Variants in AMACR observed in about 807,000 individuals in gnomAD.
AMACR encodes the protein 2-methylacyl-CoA racemase.
Under a neutral mutation model 22.2 loss-of-function variants are expected in AMACR, and 18 were observed. The ratio of observed to expected loss-of-function variants is 0.81; its 90% confidence interval spans 0.56 to 1.20. The LOEUF is 1.20. AMACR is among the 50% of genes most tolerant of loss of function. The probability of loss-of-function intolerance (pLI) is 0.00; values close to 1 mark genes in which losing one functional copy is unlikely to be tolerated. For synonymous variants in AMACR, 213 were observed against 191.3 expected, an observed-to-expected ratio of 1.11 and a Z score of -0.94; for missense variants, 499 against 490.6, an observed-to-expected ratio of 1.02 and a Z score of -0.16.
At chr5:34,002,472 T>C (rs1753846839) in intron 3 of AMACR, among the ~76,000 whole-genome samples, 1 of 152,182 alleles carries the variant, frequency 6.6e-6, no homozygotes, top group African/African-American at 2.4e-5. Context: ...CAAGACTCCA[T>C]GTTTGCTCTT....
chr5:34,003,822 C>G (rs185291268), intron 3 of AMACR, among the ~76,000 whole-genome samples: 312 of 152,342 alleles, frequency 2.0e-3, no homozygotes, highest in Non-Finnish European at 3.8e-3. Context: ...TACCTCCAGT[C>G]TTGTCTCCTC....
chr5:33,987,513 T>G lies in AMACR; in HGVS notation c.*1580A>C, dbSNP rs1351954012. The G allele has an allele frequency of 6.6e-6, 1 of 152,254 alleles. No individual in the cohort carries two copies. Among genetic ancestry groups the G allele is most frequent in the African/African-American group, 2.4e-5 (1 of 41,466 alleles). 9.4% of individuals were successfully genotyped at this position (152,254 alleles called of 1,614,324 possible). ...CACACAAACACAATGAAACTCAACATCTGTCAGACATCACGTGAACTACTA... is the reference window on the plus strand; with the variant it reads ...CACACAAACACAATGAAACTCAACAGCTGTCAGACATCACGTGAACTACTA... On this transcript the variant is annotated 3_prime_UTR_variant, in exon 5 of 5. Transcript: ENST00000335606.
At position 33,989,325 on chromosome 5, in the gene AMACR, T is replaced by C. The variant is rs1753401944; in HGVS notation, c.917A>G (p.His306Arg). Residue 306 changes from histidine (H) to arginine (R), a missense_variant, in exon 5 of 5, where the codon CAT becomes CGT. Transcript: ENST00000335606. ...CGAGCCCCGTTCCTTGTTGTGATCATGATGAACAACCTCCTCAAAAGTCAG... is the reference window on the plus strand; with the variant it reads ...CGAGCCCCGTTCCTTGTTGTGATCACGATGAACAACCTCCTCAAAAGTCAG... ...PVLTFEEVVH[H>R]DHNKERGSFI... is the part of the protein sequence containing the mutation. 1.2e-6 allele frequency: 2 copies of C among 1,614,070 alleles called. No homozygotes were observed. The highest frequency in any genetic ancestry group is 1.7e-6 in the Non-Finnish European group (2 of 1,180,046).
chr5:34,006,646 G>C (rs1753987658), intron 1 of AMACR, among the ~76,000 whole-genome samples: 2 of 152,160 alleles, frequency 1.3e-5, no homozygotes, highest in African/African-American at 4.8e-5. Flanking sequence ...CTAATTACAA[G>C]ACCTTGGACA....
chr5:33,998,566 A>G (rs1423631983), intron 4 of AMACR, 75 bp downstream of exon 4: 1 of 1,479,204 alleles, frequency 6.8e-7, no homozygotes, highest in East Asian at 2.3e-5. Context: ...CCTAGATGCC[A>G]AAAGTCTTTA....
chr5:34,003,951 G>A (rs913989404), intron 3 of AMACR, among the ~76,000 whole-genome samples: 1 of 152,156 alleles, frequency 6.6e-6, no homozygotes, highest in African/African-American at 2.4e-5. Context: ...CAATGCTTCC[G>A]TTCCCTCCTC....
At chr5:34,004,780 CTT>C in intron 2 of AMACR, 46 bp from the exon 3 acceptor site, 1 of 1,584,532 alleles carries the variant, frequency 6.3e-7, no homozygotes, top group South Asian at 1.1e-5. Flanking sequence ...AATTTAATCT[CTT>C]CTTAAAATAA....
In AMACR at chr5:33,988,588, T is replaced by C; in HGVS notation, c.*505A>G. 7.5e-7 allele frequency: 1 copy of C among 1,336,228 alleles called. No individual in the cohort carries two copies. Among genetic ancestry groups the C allele is most frequent in the Non-Finnish European group, 9.6e-7 (1 of 1,045,228 alleles). 82.8% of individuals were successfully genotyped at this position (1,336,228 alleles called of 1,614,324 possible). On this transcript the variant is annotated 3_prime_UTR_variant, in exon 5 of 5. Coordinates refer to ENST00000335606, the MANE Select transcript of AMACR (RefSeq NM_014324.6). Reference sequence around the variant, plus strand: ...TTTCTTTGCAAATTACAAAGTGTGATAACTGTTGCTAAAGTTTGGAATGTG... The same window carrying C: ...TTTCTTTGCAAATTACAAAGTGTGACAACTGTTGCTAAAGTTTGGAATGTG...
chr5:33,988,061 C>T lies in AMACR; in HGVS notation c.*1032G>A. On this transcript the variant is annotated 3_prime_UTR_variant, in exon 5 of 5. Transcript: ENST00000335606. ...CAGTTGAGATACTGCGCAGAATGGA[C>T]CTTATTGATGGCCTACCCAACATCC... 1 of 372,086 alleles carries T rather than the reference C, an allele frequency of 2.7e-6. No individual in the cohort carries two copies. Among genetic ancestry groups the T allele is most frequent in the Non-Finnish European group, 4.9e-6 (1 of 205,712 alleles). 23.0% of individuals were successfully genotyped at this position (372,086 alleles called of 1,614,324 possible).
At chr5:34,001,339 A>C (rs34682) in intron 3 of AMACR, among the ~76,000 whole-genome samples, 10,683 of 152,270 alleles carry the variant, frequency 0.07, 872 homozygotes, top group East Asian at 0.33. Context: ...TATGGACGGA[A>C]AATGATGTAC....
At chr5:34,004,998 A>C (rs1325898176) in intron 2 of AMACR, among the ~76,000 whole-genome samples, 1 of 152,236 alleles carries the variant, frequency 6.6e-6, no homozygotes, top group Non-Finnish European at 1.5e-5. Context: ...TTACTCACTT[A>C]CTTTTGGAAA....
chr5:33,996,072 A>G (rs1753623649), intron 4 of AMACR, among the ~76,000 whole-genome samples: 1 of 152,074 alleles, frequency 6.6e-6, no homozygotes, highest in South Asian at 2.1e-4. Flanking sequence ...GTCATTATTT[A>G]GCCTGTCTGG....
At position 33,986,485 on chromosome 5, in the gene AMACR, T is replaced by C. The variant is rs1753296047; in HGVS notation, c.*2608A>G. On this transcript the variant is annotated 3_prime_UTR_variant, in exon 5 of 5. Coordinates refer to ENST00000335606, the MANE Select transcript of AMACR (RefSeq NM_014324.6). ...CACCTAGTAGATCCTCAATAAACAT[T>C]TGCTAAAGGAATTACTGAGTGAATA... The C allele has an allele frequency of 6.6e-6, 1 of 152,210 alleles. No homozygotes were observed. The highest frequency in any genetic ancestry group is 1.5e-5 in the Non-Finnish European group (1 of 68,038). The allele number at this position is 152,210 out of a possible 1,614,324, so 9.4% of individuals were successfully genotyped here. A position where few individuals can be genotyped will look rare whatever the true frequency, so the allele number is the denominator to read the frequency against.
At position 34,007,884 on chromosome 5, in the gene AMACR, A is replaced by C. The variant is rs1374240770; in HGVS notation, c.136T>G (p.Leu46Val). 1 of 1,598,648 alleles carries C rather than the reference A, an allele frequency of 6.3e-7. No homozygotes were observed. The highest frequency in any genetic ancestry group is 8.5e-7 in the Non-Finnish European group (1 of 1,174,802). ...RPGSRYDVSR[L>V]GRGKRSLVLD... is the part of the protein sequence containing the mutation. ...ACTAGCGAGCGCTTGCCCCGGCCCA[A>C]GCGGCTCACGTCGTAGCGGGAGCCG... The change falls in exon 1 of 5, where the codon TTG becomes GTG. Residue 46 changes from leucine to valine, a missense_variant. Coordinates refer to ENST00000335606, the MANE Select transcript of AMACR (RefSeq NM_014324.6).
At chr5:33,995,600 C>T (rs168803) in intron 4 of AMACR, among the ~76,000 whole-genome samples, 1 of 152,048 alleles carries the variant, frequency 6.6e-6, no homozygotes, top group Non-Finnish European at 1.5e-5. Context: ...TCCAATTGAC[C>T]GCAATCAGGT....
intron 1 of AMACR, 74 bp downstream of exon 1, chr5:34,007,699 A>C: frequency 6.9e-7 from 1 of 1,458,268 alleles, no homozygotes. Context: ...TGGCGGGTGC[A>C]GCCTCGATCG....
At chr5:33,992,636 G>C (rs1753519451) in intron 4 of AMACR, among the ~76,000 whole-genome samples, 2 of 152,038 alleles carry the variant, frequency 1.3e-5, no homozygotes, top group South Asian at 4.1e-4. Context: ...CTTAAGCCCA[G>C]GAGGTCAAGA....
rs1753355222 is a variant in AMACR, at chr5:33,988,208, A to C, written c.*885T>G. ...AGGAGCAGGCTGGTTTTATGTAAAGACAATCCCGTCTTCTTTGTCAAAGAC... is the reference window on the plus strand; with the variant it reads ...AGGAGCAGGCTGGTTTTATGTAAAGCCAATCCCGTCTTCTTTGTCAAAGAC... On this transcript the variant is annotated 3_prime_UTR_variant, in exon 5 of 5. Transcript: ENST00000335606. 7 of 1,120,012 alleles carry C rather than the reference A, an allele frequency of 6.2e-6. No individual in the cohort carries two copies. In the Admixed American group the frequency reaches 1.6e-4, roughly 26 times the overall value. 69.4% of individuals were successfully genotyped at this position (1,120,012 alleles called of 1,614,324 possible).
At chr5:33,994,303 C>T (rs910787558) in intron 4 of AMACR, among the ~76,000 whole-genome samples, 1 of 152,094 alleles carries the variant, frequency 6.6e-6, no homozygotes, top group African/African-American at 2.4e-5. Flanking sequence ...CTCAGCCTCC[C>T]GAGCAGCTGG....
Sources: allele counts gnomAD v4.1 joint callset (sites outside exome capture counted in the v4.1 genomes callset), GRCh38; gene constraint gnomAD v4.1.1; transcripts MANE v1.5; gene names NCBI Gene and HGNC (gene_info 2026-07-23, HGNC 2026-07-21).